EBF2: variants seen among roughly 807,000 people sequenced by gnomAD.
The protein encoded by EBF2 is transcription factor COE2.
Under a neutral mutation model 72.8 loss-of-function variants are expected in EBF2, and 21 were observed. The observed-to-expected ratio is 0.29, with a 90% CI of 0.20 to 0.42. EBF2 has a LOEUF of 0.42. Among genes scored for constraint, EBF2 ranks in the 10% least tolerant of loss-of-function variants. EBF2 has a pLI of 1.00. For synonymous variants in EBF2, 299 were observed against 274.2 expected, an observed-to-expected ratio of 1.09 and a Z score of -0.89; for missense variants, 637 against 731.2, an observed-to-expected ratio of 0.87 and a Z score of 1.49.
At chr8:25,957,455 C>G (rs193220108) in intron 6 of EBF2, among the ~76,000 whole-genome samples, 5 of 152,162 alleles carry the variant, frequency 3.3e-5, no homozygotes, top group African/African-American at 1.2e-4. Context: ...TCCCCTCCCC[C>G]GCAGGCCACC....
chr8:25,959,225 G>A (rs1027771512), intron 6 of EBF2, among the ~76,000 whole-genome samples: 2 of 152,158 alleles, frequency 1.3e-5, no homozygotes, highest in Non-Finnish European at 2.9e-5. Context: ...GTTTTTTTGA[G>A]ATAGACTGTC....
intron 6 of EBF2, among the ~76,000 whole-genome samples, chr8:26,018,832 A>G (rs1805156857): frequency 6.6e-6 from 1 of 151,468 alleles, no homozygotes; most frequent in Admixed American, 6.6e-5. Context: ...CTGACCCCCA[A>G]CCAACATTTA....
At chr8:25,924,536 C>T (rs965217880) in intron 6 of EBF2, among the ~76,000 whole-genome samples, 2 of 152,164 alleles carry the variant, frequency 1.3e-5, no homozygotes, top group East Asian at 1.9e-4. Flanking sequence ...CTGATTACAT[C>T]AGGAAGGAAT....
intron 6 of EBF2, among the ~76,000 whole-genome samples, chr8:25,978,185 GAAGA>G (rs565179100): frequency 1.3e-4 from 20 of 152,296 alleles, no homozygotes; most frequent in African/African-American, 4.3e-4. Context: ...CCAAAAGGAA[GAAGA>G]AAGAATCACG....
rs1232690558 is a variant in EBF2, at chr8:25,862,694, T to G, written c.1098+15A>C. ...ACACAAATGGCTTCACATGTCAATT[T>G]CCAAAGCACATTACCTTAGCTAATC... On this transcript the variant is annotated intron_variant, in intron 11 of 15. Coordinates refer to ENST00000520164, the MANE Select transcript of EBF2 (RefSeq NM_022659.4). 2 of 1,566,430 alleles carry G rather than the reference T, an allele frequency of 1.3e-6. No individual in the cohort carries two copies. Among genetic ancestry groups the G allele is most frequent in the African/African-American group, 2.7e-5 (2 of 73,204 alleles).
intron 6 of EBF2, among the ~76,000 whole-genome samples, chr8:25,917,250 C>G (rs970679554): frequency 2.0e-5 from 3 of 148,026 alleles, no homozygotes; most frequent in African/African-American, 7.4e-5. Context: ...CTTCATTCTG[C>G]TGAATTCTAT....
chr8:26,005,141 A>G (rs1199267618), intron 6 of EBF2, among the ~76,000 whole-genome samples: 2 of 140,576 alleles, frequency 1.4e-5, no homozygotes, highest in African/African-American at 2.7e-5. Flanking sequence ...CCTACCGGTC[A>G]TGGGAAAACC....
intron 6 of EBF2, among the ~76,000 whole-genome samples, chr8:25,941,252 C>G (rs1237378039): frequency 2.7e-5 from 4 of 148,874 alleles, no homozygotes; most frequent in African/African-American, 7.5e-5. Context: ...GCTGCCCAGG[C>G]TGGAGTGCAG....
intron 9 of EBF2, among the ~76,000 whole-genome samples, chr8:25,887,387 T>C (rs921168556): frequency 1.1e-4 from 17 of 152,200 alleles, no homozygotes; most frequent in African/African-American, 4.1e-4. Flanking sequence ...ATGATGAAAG[T>C]CAAACACATC....
At chr8:26,007,740 A>AT (rs954885043) in intron 6 of EBF2, among the ~76,000 whole-genome samples, 1 of 151,826 alleles carries the variant, frequency 6.6e-6, no homozygotes, top group African/African-American at 2.4e-5. Context: ...TCAGACACAG[A>AT]TTTTCACCCC....
chr8:26,036,220 G>A (rs1805498933), intron 5 of EBF2, among the ~76,000 whole-genome samples: 1 of 152,188 alleles, frequency 6.6e-6, no homozygotes, highest in Non-Finnish European at 1.5e-5. Flanking sequence ...CTTCCGTGGG[G>A]ATTTCCTCTG....
intron 7 of EBF2, among the ~76,000 whole-genome samples, chr8:25,906,753 C>T (rs571405087): frequency 6.0e-4 from 88 of 147,372 alleles, no homozygotes; most frequent in African/African-American, 2.1e-3. Context: ...GGTGACAGAG[C>T]GAGACTCCAT....
intron 6 of EBF2, among the ~76,000 whole-genome samples, chr8:26,017,525 T>G (rs1805130919): frequency 6.6e-6 from 1 of 152,070 alleles, no homozygotes; most frequent in African/African-American, 2.4e-5. Flanking sequence ...TGCTGACAGT[T>G]GGGTCTGAGT....
At chr8:25,852,608 C>A (rs2117250550) in intron 14 of EBF2, among the ~76,000 whole-genome samples, 1 of 152,260 alleles carries the variant, frequency 6.6e-6, no homozygotes, top group Non-Finnish European at 1.5e-5. Flanking sequence ...CCCATTAGAT[C>A]AAAAATGGTT....
intron 7 of EBF2, 147 bp downstream of exon 7, chr8:25,908,325 GGC>G: frequency 1.6e-6 from 1 of 637,068 alleles, no homozygotes. Flanking sequence ...CAATGCTAGT[GGC>G]TGAGGGTCAT....
intron 7 of EBF2, among the ~76,000 whole-genome samples, chr8:25,899,682 T>C (rs747933526): frequency 2.0e-5 from 3 of 152,204 alleles, no homozygotes; most frequent in Non-Finnish European, 2.9e-5. Flanking sequence ...TTCCAAGACA[T>C]GAGTAGCCGT....
At chr8:25,960,373 G>T (rs80121819) in intron 6 of EBF2, among the ~76,000 whole-genome samples, 11,196 of 152,316 alleles carry the variant, frequency 0.074, 567 homozygotes, top group Non-Finnish European at 0.11. Context: ...AAGCAAGCTT[G>T]TAAAACACGT....
intron 7 of EBF2, among the ~76,000 whole-genome samples, chr8:25,896,395 T>C (rs919053741): frequency 2.6e-5 from 4 of 152,148 alleles, no homozygotes. Context: ...TATAGCACAC[T>C]CCACATTGAA....
At position 25,850,751 on chromosome 8, in the gene EBF2, T is replaced by C. The variant is rs10866845; in HGVS notation, c.1539A>G (p.Ser513=). The C allele has an allele frequency of 0.43, 663,246 of 1,551,698 alleles. 146,015 individuals are homozygous for C. The highest frequency in any genetic ancestry group is 0.67 in the African/African-American group (46,719 of 70,036). Residue 513 remains serine (S), a synonymous_variant, in exon 15 of 16, where the codon TCA becomes TCG. Coordinates refer to ENST00000520164, the MANE Select transcript of EBF2 (RefSeq NM_022659.4). ...TGCTGGAAGACCCAACGGTGGGACT[T>C]GATGACATGACTGGAAAGCAAATGC... is the stretch of plus-strand genomic sequence containing the variant. ...PTGSPYGIMS[S]SPTVGSSSTS...
Sources: allele counts gnomAD v4.1 joint callset (sites outside exome capture counted in the v4.1 genomes callset), GRCh38; gene constraint gnomAD v4.1.1; transcripts MANE v1.5; gene names NCBI Gene and HGNC (gene_info 2026-07-23, HGNC 2026-07-21).